Variants in ASIC2 observed in about 807,000 individuals in gnomAD.
The protein encoded by ASIC2 is acid sensing ion channel subunit 2, also known as acid-sensing ion channel 2.
Under a neutral mutation model 57.3 loss-of-function variants are expected in ASIC2, and 25 were observed. The observed-to-expected ratio is 0.44, with a 90% CI of 0.32 to 0.61. ASIC2 has a LOEUF of 0.61. Among genes scored for constraint, ASIC2 ranks in the 20% least tolerant of loss-of-function variants. The probability of loss-of-function intolerance (pLI) is 0.06; values close to 1 mark genes in which losing one functional copy is unlikely to be tolerated. For synonymous variants in ASIC2, 319 were observed against 307.5 expected, an observed-to-expected ratio of 1.04 and a Z score of -0.39; for missense variants, 641 against 738.1, an observed-to-expected ratio of 0.87 and a Z score of 1.52.
At chr17:33,379,548 G>A (rs117312606) in intron 1 of ASIC2, among the ~76,000 whole-genome samples, 34 of 152,176 alleles carry the variant, frequency 2.2e-4, no homozygotes, top group Non-Finnish European at 2.5e-4. Context: ...CTTCTGTTTC[G>A]CTCTTCAAAC....
upstream of ASIC2, among the ~76,000 whole-genome samples, chr17:33,293,507 T>G (rs994305114): frequency 9.9e-5 from 15 of 152,088 alleles, no homozygotes; most frequent in African/African-American, 3.6e-4. Context: ...CTCAGGTGTA[T>G]GGGCTTGTGG....
chr17:33,528,167 G>GGTGTGTGTGTGTGTGTGT (rs56235143), intron 1 of ASIC2, among the ~76,000 whole-genome samples: 4,187 of 143,470 alleles, frequency 0.029, 198 homozygotes, highest in African/African-American at 0.095. Flanking sequence ...GTATGTGGTA[G>GGTGTGTGTGTGTGTGTGT]GTGTGTGTGT....
At chr17:33,456,055 C>T (rs148657258) in intron 1 of ASIC2, among the ~76,000 whole-genome samples, 1 of 152,302 alleles carries the variant, frequency 6.6e-6, no homozygotes, top group African/African-American at 2.4e-5. Context: ...CGGTCCAGGG[C>T]TCTCTATCCC....
chr17:33,964,941 T>C (rs1290329905), intron 1 of ASIC2, among the ~76,000 whole-genome samples: 1 of 152,198 alleles, frequency 6.6e-6, no homozygotes, highest in African/African-American at 2.4e-5. Flanking sequence ...TGTTGAATTC[T>C]TGGCTAACAG....
intron 1 of ASIC2, among the ~76,000 whole-genome samples, chr17:33,204,537 C>T (rs1202952146): frequency 6.6e-6 from 1 of 152,220 alleles, no homozygotes; most frequent in Non-Finnish European, 1.5e-5. Flanking sequence ...GCCTGTCCCA[C>T]CTCCACCCAT....
intron 1 of ASIC2, among the ~76,000 whole-genome samples, chr17:33,361,537 G>C (rs767216089): frequency 5.9e-5 from 9 of 152,366 alleles, no homozygotes; most frequent in Non-Finnish European, 8.8e-5. Flanking sequence ...GTTGGTATCT[G>C]TCAGTATGAT....
Position 33,292,911 on chromosome 17 carries a change from GA to G in ASIC2, c.-797del. On this transcript the variant is annotated 5_prime_UTR_variant, in exon 1 of 10. Transcript: ENST00000225823. ...GAGAGCTTCTCAGGGCGTCCTGCGG[GA>G]GGCTGTTCGCCGCCGGGGTCCTTCA... 1 of 985,552 alleles carries G rather than the reference GA, an allele frequency of 1.0e-6. No homozygotes were observed. The highest frequency in any genetic ancestry group is 1.2e-6 in the Non-Finnish European group (1 of 830,012). 61.1% of individuals were successfully genotyped at this position (985,552 alleles called of 1,614,324 possible).
intron 1 of ASIC2, among the ~76,000 whole-genome samples, chr17:33,642,630 T>G (rs1183017351): frequency 4.6e-5 from 7 of 152,212 alleles, no homozygotes; most frequent in Non-Finnish European, 8.8e-5. Context: ...CTGTCAGAAG[T>G]CAGGATATCC....
chr17:33,742,340 A>AC (rs1910137704), intron 1 of ASIC2, among the ~76,000 whole-genome samples: 1 of 151,508 alleles, frequency 6.6e-6, no homozygotes, highest in South Asian at 2.1e-4. Context: ...CCTCCCTCTC[A>AC]TTTTTTTTCT....
At chr17:33,652,004 G>C (rs1245319815) in intron 1 of ASIC2, among the ~76,000 whole-genome samples, 2 of 152,108 alleles carry the variant, frequency 1.3e-5, no homozygotes, top group Non-Finnish European at 2.9e-5. Flanking sequence ...ATGTGCATGC[G>C]TGTGTGTGTG....
intron 1 of ASIC2, among the ~76,000 whole-genome samples, chr17:33,599,513 C>T (rs759223561): frequency 2.0e-5 from 3 of 152,104 alleles, no homozygotes; most frequent in Admixed American, 6.5e-5. Flanking sequence ...TCAGAACTAC[C>T]GGGGCTGAGT....
chr17:34,021,956 G>T (rs1172891519), intron 1 of ASIC2, among the ~76,000 whole-genome samples: 1 of 150,362 alleles, frequency 6.7e-6, no homozygotes, highest in Non-Finnish European at 1.5e-5. Flanking sequence ...TCTTGTCTCA[G>T]CCTCCCGAGT....
rs539140521 is a variant in ASIC2 at position 33,120,278 on chromosome 17, T to C, written c.709-8211A>G. Reference sequence around the variant, plus strand: ...CCTTCTAGTCTCCTGCTTCCAAGACTGAAGCACAGCCGGGGCCTTTTCTGC... The same window carrying C: ...CCTTCTAGTCTCCTGCTTCCAAGACCGAAGCACAGCCGGGGCCTTTTCTGC... On this transcript the variant is annotated intron_variant, in intron 1 of 9. Transcript: ENST00000225823. Among the ~76,000 whole-genome samples, 6 of 152,340 alleles carry C rather than the reference T, an allele frequency of 3.9e-5. No individual in the cohort carries two copies. The South Asian group carries it at 1.2e-3, about 32-fold the overall frequency.
chr17:34,090,748 T>C (rs1431036386), intron 1 of ASIC2, among the ~76,000 whole-genome samples: 1 of 152,210 alleles, frequency 6.6e-6, no homozygotes, highest in African/African-American at 2.4e-5. Context: ...CTCCCCATTC[T>C]GGGCTGGGAC....
At chr17:33,926,105 G>A (rs555495031) in intron 1 of ASIC2, among the ~76,000 whole-genome samples, 6 of 152,292 alleles carry the variant, frequency 3.9e-5, no homozygotes, top group South Asian at 2.1e-4. Context: ...TCTTGAACTC[G>A]GTTAGGTGGT....
rs116792616 is a variant in ASIC2, at chr17:33,801,487, G to C, written c.555+354491C>G. Among the ~76,000 whole-genome samples, 527 of 152,202 alleles carry C rather than the reference G, an allele frequency of 3.5e-3. 4 individuals are homozygous for C. Among genetic ancestry groups the C allele is most frequent in the African/African-American group, 0.012 (504 of 41,530 alleles). ...GACATTTATGGTTTGGGTGGAGTCA[G>C]GGAGGTATGGATTCAAAGTCTGCCA... On this transcript the variant is annotated intron_variant, in intron 1 of 9. Transcript: ENST00000359872.
rs567635502 is a variant in ASIC2 at position 33,514,394 on chromosome 17, C to T, written c.556-402327G>A. Reference sequence around the variant, plus strand: ...CTCCCCATCCTCTCTTCCACACCCCCCTCAACCTCATCGCGGTCCTTGCCT... The same window carrying T: ...CTCCCCATCCTCTCTTCCACACCCCTCTCAACCTCATCGCGGTCCTTGCCT... On this transcript the variant is annotated intron_variant, in intron 1 of 9. Transcript: ENST00000359872. 2.6e-5 allele frequency among the ~76,000 whole-genome samples: 4 copies of T among 152,122 alleles called. No individual in the cohort carries two copies. The East Asian group carries it at 7.7e-4, about 29-fold the overall frequency.
chr17:33,415,491 G>C (rs1910811191), intron 1 of ASIC2, among the ~76,000 whole-genome samples: 1 of 151,854 alleles, frequency 6.6e-6, no homozygotes, highest in Admixed American at 6.6e-5. Flanking sequence ...TGGGCATGTA[G>C]AGCCCATTGT....
At chr17:33,911,121 A>T (rs1199527777) in intron 1 of ASIC2, among the ~76,000 whole-genome samples, 3 of 152,212 alleles carry the variant, frequency 2.0e-5, no homozygotes, top group Non-Finnish European at 4.4e-5. Flanking sequence ...GAGTCTTCAC[A>T]CTGCAAAAAG....
Sources: gnomAD v4.1 joint callset for allele counts (sites outside exome capture counted in the v4.1 genomes callset) on GRCh38, gnomAD v4.1.1 for gene constraint, MANE v1.5 for transcripts, NCBI Gene and HGNC (gene_info 2026-07-23, HGNC 2026-07-21) for gene names.